RGS7BP: variants seen among roughly 807,000 people sequenced by gnomAD.
RGS7BP encodes regulator of G protein signaling 7-binding protein.
RGS7BP carries 9 observed loss-of-function variants against 31.3 expected under a neutral mutation model. That is an observed-to-expected ratio of 0.29 (90% CI 0.17 to 0.50). The LOEUF is 0.50. Among genes scored for constraint, RGS7BP ranks in the 20% least tolerant of loss-of-function variants. The pLI, the probability that RGS7BP is intolerant of heterozygous loss-of-function variation, is 0.98. For missense variants in RGS7BP, 274 were observed against 322.0 expected (o/e 0.85, Z 1.14); for synonymous variants, 115 against 120.1 (o/e 0.96, Z 0.28).
chr5:64,575,704 A>C, intron 2 of RGS7BP, 70 bp from the exon 3 acceptor site: 1 of 1,529,036 alleles, frequency 6.5e-7, no homozygotes, highest in Non-Finnish European at 8.8e-7. Context: ...TCCCTCTCGG[A>C]GCTGAGACAA....
chr5:64,575,240 T>C (rs1050169225), intron 2 of RGS7BP, among the ~76,000 whole-genome samples: 2 of 152,152 alleles, frequency 1.3e-5, no homozygotes, highest in African/African-American at 4.8e-5. Flanking sequence ...TTAAAAACAT[T>C]TGGTCTTTCA....
At chr5:64,590,609 G>A (rs140607324) in intron 3 of RGS7BP, among the ~76,000 whole-genome samples, 4 of 152,226 alleles carry the variant, frequency 2.6e-5, no homozygotes, top group African/African-American at 9.6e-5. Context: ...AATGATTCAT[G>A]CTTTAATAAA....
intron 2 of RGS7BP, among the ~76,000 whole-genome samples, chr5:64,525,318 A>G (rs1048631367): frequency 6.6e-6 from 1 of 152,208 alleles, no homozygotes; most frequent in Non-Finnish European, 1.5e-5. Context: ...AATAACAGAA[A>G]GAACAGCTAT....
At chr5:64,532,869 C>G (rs35795694) in intron 2 of RGS7BP, among the ~76,000 whole-genome samples, 1 of 152,140 alleles carries the variant, frequency 6.6e-6, no homozygotes, top group Non-Finnish European at 1.5e-5. Context: ...ATGCTGCAGC[C>G]TGAATCCCTA....
At chr5:64,559,321 G>T (rs1229224552) in intron 2 of RGS7BP, among the ~76,000 whole-genome samples, 1 of 152,120 alleles carries the variant, frequency 6.6e-6, no homozygotes, top group Non-Finnish European at 1.5e-5. Flanking sequence ...TGAAATATTG[G>T]GGACTGGTTC....
At chr5:64,562,710 C>T (rs2111866557) in intron 2 of RGS7BP, among the ~76,000 whole-genome samples, 1 of 152,242 alleles carries the variant, frequency 6.6e-6, no homozygotes, top group South Asian at 2.1e-4. Flanking sequence ...AGTACCTGTA[C>T]CACAGGGACC....
At chr5:64,607,874 G>A (rs1049316491) in intron 5 of RGS7BP, among the ~76,000 whole-genome samples, 1 of 149,576 alleles carries the variant, frequency 6.7e-6, no homozygotes, top group African/African-American at 2.5e-5. Flanking sequence ...GTGGTTGGGG[G>A]GTTTACAATT....
chr5:64,594,745 T>G lies in RGS7BP; in HGVS notation c.499T>G (p.Cys167Gly). Residue 167 changes from cysteine to glycine, a missense_variant, in exon 4 of 6, where the codon TGC becomes GGC. Cys to Gly is a radical substitution (Grantham distance 159, BLOSUM62 -3). Coordinates refer to ENST00000334025, the MANE Select transcript of RGS7BP (RefSeq NM_001029875.3). ...EPGGGTKSLD[C>G]KIEESAETPA... is the part of the protein sequence containing the mutation. The stretch of plus-strand genomic sequence containing the variant: ...TGGCGGGGGAACCAAGAGTTTGGAT[T>G]GCAAAATTGAGGAGAGTGCTGAAAC... 2 of 1,613,764 alleles carry G rather than the reference T, an allele frequency of 1.2e-6. No individual in the cohort carries two copies. Among genetic ancestry groups the G allele is most frequent in the Non-Finnish European group, 1.7e-6 (2 of 1,179,814 alleles).
intron 2 of RGS7BP, among the ~76,000 whole-genome samples, chr5:64,563,826 T>C (rs1422676080): frequency 6.6e-6 from 1 of 152,230 alleles, no homozygotes; most frequent in Non-Finnish European, 1.5e-5. Flanking sequence ...CAAAAATAAG[T>C]CTGTCGTGTT....
intron 3 of RGS7BP, among the ~76,000 whole-genome samples, chr5:64,581,840 T>C (rs1257471374): frequency 6.6e-6 from 1 of 152,232 alleles, no homozygotes; most frequent in Non-Finnish European, 1.5e-5. Context: ...TGCAAGATGA[T>C]CCTATTGCCA....
At chr5:64,601,650 G>A (rs180759792) in intron 5 of RGS7BP, among the ~76,000 whole-genome samples, 183 of 152,344 alleles carry the variant, frequency 1.2e-3, no homozygotes, top group African/African-American at 4.1e-3. Context: ...TCAGCCCGCT[G>A]TTCTTTCCCC....
At chr5:64,524,142 C>T (rs1230890872) in intron 2 of RGS7BP, among the ~76,000 whole-genome samples, 1 of 150,744 alleles carries the variant, frequency 6.6e-6, no homozygotes, top group African/African-American at 2.4e-5. Context: ...TGTCAGATGT[C>T]AATCTACACA....
chr5:64,511,772 T>C (rs141234327), intron 2 of RGS7BP, among the ~76,000 whole-genome samples: 74 of 152,344 alleles, frequency 4.9e-4, no homozygotes, highest in African/African-American at 1.7e-3. Flanking sequence ...AGACCTGGAA[T>C]GAGTGTCATC....
chr5:64,509,304 A>G (rs946039222), intron 2 of RGS7BP, among the ~76,000 whole-genome samples: 4 of 152,202 alleles, frequency 2.6e-5, no homozygotes, highest in African/African-American at 9.6e-5. Flanking sequence ...ATTTTCTCTC[A>G]AGGCTAAGGA....
intron 3 of RGS7BP, among the ~76,000 whole-genome samples, chr5:64,576,815 ACT>A (rs1231473566): frequency 1.3e-5 from 2 of 152,140 alleles, no homozygotes; most frequent in Non-Finnish European, 2.9e-5. Flanking sequence ...TCACCAGAAG[ACT>A]CAACCTGTAT....
At chr5:64,508,227 C>G (rs1307565981) in intron 2 of RGS7BP, among the ~76,000 whole-genome samples, 1 of 152,174 alleles carries the variant, frequency 6.6e-6, no homozygotes, top group Admixed American at 6.5e-5. Context: ...ATTTTGTCAT[C>G]TGCTGCTGAA....
chr5:64,583,411 C>G (rs1214706692), intron 3 of RGS7BP, among the ~76,000 whole-genome samples: 1 of 151,856 alleles, frequency 6.6e-6, no homozygotes, highest in Non-Finnish European at 1.5e-5. Flanking sequence ...AAAGACTGAA[C>G]AGGTTTCTGT....
At chr5:64,548,838 C>T (rs371393936) in intron 2 of RGS7BP, among the ~76,000 whole-genome samples, 2 of 150,466 alleles carry the variant, frequency 1.3e-5, no homozygotes, top group Non-Finnish European at 3.0e-5. Flanking sequence ...AAGGCAAAGT[C>T]GAAAGCCCTT....
chr5:64,560,789 C>T (rs921521259), intron 2 of RGS7BP, among the ~76,000 whole-genome samples: 27 of 151,982 alleles, frequency 1.8e-4, no homozygotes, highest in Admixed American at 3.3e-4. Context: ...TACTCATTTC[C>T]ACCCTTATGC....
Sources: allele counts gnomAD v4.1 joint callset (sites outside exome capture counted in the v4.1 genomes callset), GRCh38; gene constraint gnomAD v4.1.1; transcripts MANE v1.5; gene names NCBI Gene and HGNC (gene_info 2026-07-23, HGNC 2026-07-21).